The following WWOX variants were observed in gnomAD, a reference collection of about 807,000 sequenced individuals.
WWOX encodes WW domain-containing oxidoreductase.
Under a neutral mutation model 46.2 loss-of-function variants are expected in WWOX, and 69 were observed. That is an observed-to-expected ratio of 1.49 (90% confidence interval 1.23 to 1.82). The LOEUF is 1.82. Among genes scored for constraint, WWOX ranks in the 40% most tolerant of loss-of-function variants. WWOX has a pLI of 0.00. For missense variants in WWOX, 919 were observed against 542.6 expected (o/e 1.69, Z -6.89); for synonymous variants, 359 against 202.6 (o/e 1.77, Z -6.56).
At chr16:78,989,218 T>A (rs1313685243) in intron 8 of WWOX, among the ~76,000 whole-genome samples, 2 of 152,158 alleles carry the variant, frequency 1.3e-5, no homozygotes, top group Admixed American at 6.5e-5. Context: ...GATGCCCCCA[T>A]CCACTAACCA....
intron 4 of WWOX, among the ~76,000 whole-genome samples, chr16:78,134,886 A>C (rs1299138652): frequency 6.6e-6 from 1 of 152,216 alleles, no homozygotes; most frequent in Non-Finnish European, 1.5e-5. Context: ...CCCACTGTGG[A>C]TAGATACGCA....
At position 78,343,945 on chromosome 16, in the gene WWOX, A is replaced by C. The variant is rs147835203; in HGVS notation, c.517-42915A>C. ...AGCAATGTAGTCTAAATGTGGTTGC[A>C]TCATCTTCTTTCTTCCTTTGCCTTC... On this transcript the variant is annotated intron_variant, in intron 5 of 8. Coordinates refer to ENST00000566780, the MANE Select transcript of WWOX (RefSeq NM_016373.4). Among the ~76,000 whole-genome samples, 307 of 120,510 alleles carry C rather than the reference A, an allele frequency of 2.5e-3. 99 individuals carry two copies. The highest frequency in any genetic ancestry group is 5.2e-3 in the Non-Finnish European group (261 of 50,446). The allele number at this position is 120,510 out of a possible 152,430, so 79.1% of individuals were successfully genotyped here.
At chr16:78,868,363 C>T (rs1322385580) in intron 8 of WWOX, among the ~76,000 whole-genome samples, 2 of 151,598 alleles carry the variant, frequency 1.3e-5, no homozygotes, top group East Asian at 1.9e-4. Flanking sequence ...TGATGGTTGC[C>T]TGGGGCTGGG....
chr16:78,230,877 T>A (rs141132310), intron 5 of WWOX, among the ~76,000 whole-genome samples: 8 of 152,352 alleles, frequency 5.3e-5, no homozygotes. Context: ...TCCATGCCAC[T>A]CCTTATCTCT....
At chr16:79,092,379 T>A (rs1170622906) in intron 8 of WWOX, among the ~76,000 whole-genome samples, 1 of 152,216 alleles carries the variant, frequency 6.6e-6, no homozygotes, top group East Asian at 1.9e-4. Context: ...GCCTGTGGTC[T>A]TTAATATTAA....
intron 5 of WWOX, among the ~76,000 whole-genome samples, chr16:78,297,008 A>G (rs1004313559): frequency 6.6e-6 from 1 of 152,090 alleles, no homozygotes; most frequent in African/African-American, 2.4e-5. Flanking sequence ...CTCTTCTTAT[A>G]TTTTTGAAGG....
chr16:78,601,186 C>T (rs571860554), intron 8 of WWOX, among the ~76,000 whole-genome samples: 1 of 152,322 alleles, frequency 6.6e-6, no homozygotes, highest in Non-Finnish European at 1.5e-5. Context: ...TATAGAACTC[C>T]TTTATCACCA....
At chr16:79,054,816 A>G (rs959933181) in intron 8 of WWOX, among the ~76,000 whole-genome samples, 1 of 152,202 alleles carries the variant, frequency 6.6e-6, no homozygotes, top group Non-Finnish European at 1.5e-5. Context: ...AAAGAGTATG[A>G]CCTTTGTCTC....
chr16:78,241,959 A>G (rs2037664951), intron 5 of WWOX, among the ~76,000 whole-genome samples: 2 of 152,144 alleles, frequency 1.3e-5, no homozygotes, highest in Non-Finnish European at 2.9e-5. Flanking sequence ...GCAAAAGCAA[A>G]TGTTTTGGGT....
intron 8 of WWOX, among the ~76,000 whole-genome samples, chr16:78,866,883 G>A (rs1399019929): frequency 1.3e-5 from 2 of 152,206 alleles, no homozygotes; most frequent in African/African-American, 2.4e-5. Context: ...AGCCAAGCCT[G>A]CAGCATCAGG....
intron 8 of WWOX, among the ~76,000 whole-genome samples, chr16:78,948,419 C>T (rs911962706): frequency 6.6e-6 from 1 of 152,190 alleles, no homozygotes; most frequent in African/African-American, 2.4e-5. Context: ...GGTGGCTAGA[C>T]TGAAAAATCC....
At chr16:79,073,763 C>T (rs1008603629) in intron 8 of WWOX, among the ~76,000 whole-genome samples, 6 of 152,116 alleles carry the variant, frequency 3.9e-5, no homozygotes, top group East Asian at 1.9e-4. Context: ...TCAGGGCTTC[C>T]GTAGGGTTTA....
At chr16:78,109,928 AC>A (rs1193329196) in intron 3 of WWOX, 93 bp downstream of exon 3, 6 of 1,316,452 alleles carry the variant, frequency 4.6e-6, no homozygotes, top group Non-Finnish European at 5.4e-6. Flanking sequence ...GTAGAAAAAT[AC>A]AAAGTATAAC....
chr16:78,989,125 G>A (rs1017968665), intron 8 of WWOX, among the ~76,000 whole-genome samples: 1 of 151,956 alleles, frequency 6.6e-6, no homozygotes, highest in African/African-American at 2.4e-5. Context: ...AAAATTATCA[G>A]CATATTTAGA....
chr16:78,178,504 G>A (rs1034209743), intron 5 of WWOX, among the ~76,000 whole-genome samples: 4 of 152,108 alleles, frequency 2.6e-5, no homozygotes, highest in African/African-American at 9.7e-5. Context: ...GGGCACTTTA[G>A]GAGTAGGAAT....
chr16:78,903,608 C>G (rs185501044), intron 8 of WWOX, among the ~76,000 whole-genome samples: 1 of 152,204 alleles, frequency 6.6e-6, no homozygotes, highest in Non-Finnish European at 1.5e-5. Flanking sequence ...GGTTTCCTTT[C>G]AGTTTGGTTC....
chr16:78,904,541 T>A (rs1306755474), intron 8 of WWOX, among the ~76,000 whole-genome samples: 7 of 152,120 alleles, frequency 4.6e-5, no homozygotes, highest in Non-Finnish European at 7.4e-5. Flanking sequence ...TGGCCATAAA[T>A]GTCTTTTCTG....
chr16:78,892,668 G>A (rs184333277), intron 8 of WWOX, among the ~76,000 whole-genome samples: 2 of 152,344 alleles, frequency 1.3e-5, no homozygotes, highest in Non-Finnish European at 2.9e-5. Flanking sequence ...AATTAGGCCA[G>A]CATTGGGCTA....
At chr16:79,052,944 C>T (rs2048196466) in intron 8 of WWOX, among the ~76,000 whole-genome samples, 1 of 103,456 alleles carries the variant, frequency 9.7e-6, no homozygotes, top group Non-Finnish European at 1.7e-5. Context: ...CATGGGGACC[C>T]TGGGAGTATG....
Sources: gnomAD v4.1 joint callset for allele counts (sites outside exome capture counted in the v4.1 genomes callset) on GRCh38, gnomAD v4.1.1 for gene constraint, MANE v1.5 for transcripts, NCBI Gene and HGNC (gene_info 2026-07-23, HGNC 2026-07-21) for gene names.